The following DNAH14 variants were observed in gnomAD, a reference collection of about 807,000 sequenced individuals.
The protein encoded by DNAH14 is dynein axonemal heavy chain 14, also known as axonemal beta dynein heavy chain 14.
A neutral mutation model predicts 520.9 loss-of-function variants in DNAH14; 478 were observed. That is an observed-to-expected ratio of 0.92 (90% CI 0.85 to 0.99). The LOEUF (loss-of-function observed/expected upper bound fraction) is 0.99. Ranked by LOEUF, DNAH14 falls within the 50% of genes least tolerant of loss-of-function variation. The pLI is 0.00. For missense variants in DNAH14, 4,831 were observed against 5,234.5 expected (o/e 0.92, Z 2.38); for synonymous variants, 1,581 against 1,757.2 (o/e 0.90, Z 2.51).
At chr1:225,246,692 C>G (rs1195740101) in intron 43 of DNAH14, among the ~76,000 whole-genome samples, 2 of 152,134 alleles carry the variant, frequency 1.3e-5, no homozygotes, top group African/African-American at 4.8e-5. Context: ...CCATCTCACT[C>G]CAATTAGAAT....
At chr1:225,170,420 G>A (rs558426671) in intron 36 of DNAH14, among the ~76,000 whole-genome samples, 1 of 152,174 alleles carries the variant, frequency 6.6e-6, no homozygotes, top group African/African-American at 2.4e-5. Context: ...AAGGGATGGA[G>A]GGAGATCTAC....
At chr1:225,133,534 G>A (rs1239747019) in intron 27 of DNAH14, among the ~76,000 whole-genome samples, 2 of 152,170 alleles carry the variant, frequency 1.3e-5, no homozygotes, top group Non-Finnish European at 2.9e-5. Context: ...TCAAATGGCT[G>A]TAGGTGTGAG....
At position 225,002,703 on chromosome 1, in the gene DNAH14, T is replaced by A. The variant is rs1572382197; in HGVS notation, c.831-80T>A. 5 of 1,334,502 alleles carry A rather than the reference T, an allele frequency of 3.7e-6. No homozygotes were observed. In the East Asian group the frequency reaches 1.0e-4, roughly 27 times the overall value. 82.7% of individuals were successfully genotyped at this position (1,334,502 alleles called of 1,614,324 possible). ...ACATTTCAACTATAAGGATATTAAC[T>A]AAACCACACTACTTACCTCTAAATT... On this transcript the variant is annotated intron_variant, in intron 8 of 85. Transcript: ENST00000682510.
Position 225,204,237 on chromosome 1 carries a change from G to A in DNAH14, c.5941G>A (p.Glu1981Lys), listed in dbSNP as rs1171083524. 1 of 1,490,478 alleles carries A rather than the reference G, an allele frequency of 6.7e-7. No homozygotes were observed. Among genetic ancestry groups the A allele is most frequent in the Non-Finnish European group, 8.9e-7 (1 of 1,127,446 alleles). 92.3% of individuals were successfully genotyped at this position (1,490,478 alleles called of 1,614,324 possible). A position where few individuals can be genotyped will look rare whatever the true frequency, so the allele number is the denominator to read the frequency against. ...TTETDDNIFEEIEKVVKIPEN... is the reference protein window; with the variant it reads ...TTETDDNIFEKIEKVVKIPEN... Reference sequence around the variant, plus strand: ...AGAGACTGATGATAATATTTTTGAGGAGATAGAGAAAGTTGTTAAAATTCC... The same window carrying A: ...AGAGACTGATGATAATATTTTTGAGAAGATAGAGAAAGTTGTTAAAATTCC... Residue 1981 changes from glutamate to lysine, a missense_variant, in exon 39 of 86, where the codon GAG (glutamate) becomes AAG (lysine). Physicochemically the swap from Glu to Lys is moderately conservative, Grantham distance 56. Coordinates refer to ENST00000682510, the MANE Select transcript of DNAH14 (RefSeq NM_001367479.1).
chr1:225,072,444 A>G (rs181438253), intron 17 of DNAH14, among the ~76,000 whole-genome samples: 261 of 152,140 alleles, frequency 1.7e-3, no homozygotes, highest in African/African-American at 5.9e-3. Context: ...GCAATGTTTT[A>G]AGATGATTTT....
At chr1:225,364,963 T>G in intron 76 of DNAH14, 69 bp downstream of exon 76, 1 of 1,115,902 alleles carries the variant, frequency 9.0e-7, no homozygotes, top group South Asian at 1.6e-5. Flanking sequence ...CATCTTACAT[T>G]CAAAACTCTG....
intron 37 of DNAH14, among the ~76,000 whole-genome samples, chr1:225,190,558 A>C (rs1049588165): frequency 2.0e-5 from 3 of 152,114 alleles, no homozygotes; most frequent in Non-Finnish European, 4.4e-5. Flanking sequence ...TAGAAAAGGG[A>C]GGATTACAGT....
intron 10 of DNAH14, among the ~76,000 whole-genome samples, chr1:225,011,016 A>G (rs923760556): frequency 6.7e-6 from 1 of 148,730 alleles, no homozygotes; most frequent in African/African-American, 2.5e-5. Flanking sequence ...CTAGTGGTCT[A>G]TCCATTTTGT....
intron 79 of DNAH14, 58 bp from the exon 80 acceptor site, chr1:225,380,101 C>A: frequency 2.0e-6 from 3 of 1,488,740 alleles, no homozygotes; most frequent in Non-Finnish European, 2.7e-6. Flanking sequence ...TAACAAATCT[C>A]TCCCCATCTC....
intron 77 of DNAH14, among the ~76,000 whole-genome samples, chr1:225,373,812 A>C (rs2095649964): frequency 1.3e-5 from 2 of 151,986 alleles, no homozygotes; most frequent in Admixed American, 1.3e-4. Context: ...ACAACAACAA[A>C]AAAGAACTAG....
At chr1:224,938,965 G>A (rs1035235839) in intron 1 of DNAH14, among the ~76,000 whole-genome samples, 2 of 152,214 alleles carry the variant, frequency 1.3e-5, no homozygotes, top group Non-Finnish European at 2.9e-5. Flanking sequence ...TCACTCATAT[G>A]TGGGAGCAAA....
At position 225,140,907 on chromosome 1, in the gene DNAH14, C is replaced by T. The variant is rs778841007; in HGVS notation, c.4394C>T (p.Ser1465Phe). 28 of 1,551,246 alleles carry T rather than the reference C, an allele frequency of 1.8e-5. No homozygotes were observed. Among genetic ancestry groups the T allele is most frequent in the Non-Finnish European group, 2.4e-5 (28 of 1,146,928 alleles). The change falls in exon 28 of 86, where the codon TCT becomes TTT. Residue 1465 changes from serine (S) to phenylalanine (F), a missense_variant. Ser to Phe is a radical substitution (Grantham distance 155). Transcript: ENST00000682510. ...CTGGTAGTGCTGGATACTAGTAACT[C>T]TCGAACAAAAGCTATACTAGGGGCA... ...ADLVVLDTSN[S>F]RTKAILGALL...
chr1:225,152,603 A>G, intron 32 of DNAH14, 94 bp from the exon 33 acceptor site: 1 of 1,127,218 alleles, frequency 8.9e-7, no homozygotes, highest in South Asian at 1.7e-5. Context: ...CACACAGAAC[A>G]CCAATATAAT....
intron 35 of DNAH14, among the ~76,000 whole-genome samples, chr1:225,164,672 G>A (rs1227991631): frequency 6.6e-6 from 1 of 151,964 alleles, no homozygotes; most frequent in Non-Finnish European, 1.5e-5. Flanking sequence ...TTTAGCTGAT[G>A]CCTCTTTTAG....
intron 58 of DNAH14, among the ~76,000 whole-genome samples, chr1:225,306,602 T>G (rs1195527171): frequency 6.6e-6 from 1 of 152,140 alleles, no homozygotes; most frequent in East Asian, 1.9e-4. Context: ...AGCCATGTAA[T>G]CAGTATGACC....
chr1:224,971,849 C>T (rs754689595), intron 7 of DNAH14, among the ~76,000 whole-genome samples: 7 of 152,166 alleles, frequency 4.6e-5, no homozygotes, highest in Non-Finnish European at 7.3e-5. Flanking sequence ...GTGTAGATGA[C>T]TGAGTAACAG....
At chr1:225,089,977 A>G (rs2074233753) in intron 21 of DNAH14, among the ~76,000 whole-genome samples, 1 of 152,202 alleles carries the variant, frequency 6.6e-6, no homozygotes, top group African/African-American at 2.4e-5. Flanking sequence ...AGTAAGAAAG[A>G]GAAATAAAAA....
intron 56 of DNAH14, 120 bp downstream of exon 56, chr1:225,301,150 G>A (rs543359315): frequency 8.6e-7 from 1 of 1,166,714 alleles, no homozygotes; most frequent in Admixed American, 3.0e-5. Flanking sequence ...GAGTTTTTAA[G>A]GTAAAATAAT....
chr1:225,103,359 A>T (rs1172014376), intron 23 of DNAH14, among the ~76,000 whole-genome samples: 1 of 152,314 alleles, frequency 6.6e-6, no homozygotes, highest in South Asian at 2.1e-4. Flanking sequence ...CTTAGCATTG[A>T]CTTGACAATG....
Sources: allele counts gnomAD v4.1 joint callset (sites outside exome capture counted in the v4.1 genomes callset), GRCh38; gene constraint gnomAD v4.1.1; transcripts MANE v1.5; gene names NCBI Gene and HGNC (gene_info 2026-07-23, HGNC 2026-07-21).